SLC24A2: variants seen among roughly 807,000 people sequenced by gnomAD.
SLC24A2 encodes the protein sodium/potassium/calcium exchanger 2.
A neutral mutation model predicts 62.0 loss-of-function variants in SLC24A2; 36 were observed. That is an observed-to-expected ratio of 0.58 (90% CI 0.44 to 0.77). SLC24A2 has a LOEUF of 0.77. SLC24A2 is among the 30% of genes least tolerant of loss of function. The pLI is 0.00. For synonymous variants in SLC24A2, 358 were observed against 294.0 expected, an observed-to-expected ratio of 1.22 and a Z score of -2.23; for missense variants, 846 against 817.9, an observed-to-expected ratio of 1.03 and a Z score of -0.42.
At chr9:20,302,793 T>C in the SLC24A2 span, among the ~76,000 whole-genome samples, 3 of 152,210 alleles carry the variant, frequency 2.0e-5, no homozygotes, top group Admixed American at 2.0e-4. Flanking sequence ...TTGTCATTTA[T>C]TTTTAATTGC....
the SLC24A2 span, among the ~76,000 whole-genome samples, chr9:20,288,083 T>A: frequency 6.6e-6 from 1 of 152,040 alleles, no homozygotes; most frequent in Non-Finnish European, 1.5e-5. Flanking sequence ...ATACGATGCA[T>A]CTAAATTTCA....
chr9:19,881,984 A>G, the SLC24A2 span, among the ~76,000 whole-genome samples: 1 of 152,174 alleles, frequency 6.6e-6, no homozygotes, highest in African/African-American at 2.4e-5. Context: ...AATTCAACCT[A>G]TGCCTATTCC....
At chr9:20,049,774 A>T in the SLC24A2 span, among the ~76,000 whole-genome samples, 37 of 150,842 alleles carry the variant, frequency 2.5e-4, no homozygotes, top group African/African-American at 8.3e-4. Context: ...TCACCCATAA[A>T]CTACAGGGAT....
the SLC24A2 span, among the ~76,000 whole-genome samples, chr9:20,076,839 G>GAT: frequency 0.17 from 24,222 of 142,360 alleles, 3,363 homozygotes; most frequent in East Asian, 0.64. Context: ...AAGAAAATGT[G>GAT]ATATATATAT....
chr9:19,876,167 T>C, the SLC24A2 span, among the ~76,000 whole-genome samples: 1 of 152,176 alleles, frequency 6.6e-6, no homozygotes, highest in African/African-American at 2.4e-5. Flanking sequence ...AGACAACACC[T>C]AAACATAGAA....
chr9:19,852,802 C>A, the SLC24A2 span, among the ~76,000 whole-genome samples: 8 of 149,588 alleles, frequency 5.3e-5, no homozygotes, highest in African/African-American at 2.0e-4. Context: ...GCTATATGAG[C>A]TCTTTTTTGG....
At chr9:19,582,389 T>G (rs1836235000) in intron 5 of SLC24A2, among the ~76,000 whole-genome samples, 1 of 152,116 alleles carries the variant, frequency 6.6e-6, no homozygotes, top group Non-Finnish European at 1.5e-5. Flanking sequence ...GGGGTGGTGA[T>G]CAGATTAACT....
the SLC24A2 span, among the ~76,000 whole-genome samples, chr9:19,845,506 G>C: frequency 6.6e-6 from 1 of 151,764 alleles, no homozygotes; most frequent in Non-Finnish European, 1.5e-5. Context: ...ATCCCTTTTT[G>C]CAGTCTATTG....
chr9:20,172,743 A>C, the SLC24A2 span, among the ~76,000 whole-genome samples: 29 of 152,138 alleles, frequency 1.9e-4, no homozygotes, highest in South Asian at 8.3e-4. Context: ...GACCAGATGG[A>C]CTCACAGATG....
the SLC24A2 span, among the ~76,000 whole-genome samples, chr9:20,151,726 A>G: frequency 6.6e-6 from 1 of 151,854 alleles, no homozygotes; most frequent in Non-Finnish European, 1.5e-5. Flanking sequence ...CTTACCCACT[A>G]TAGATAACTA....
intron 2 of SLC24A2, among the ~76,000 whole-genome samples, chr9:19,648,623 G>A (rs1461040447): frequency 1.3e-5 from 2 of 152,132 alleles, no homozygotes; most frequent in African/African-American, 4.8e-5. Flanking sequence ...TTTTAAATGG[G>A]AATTAGTTGG....
Position 19,516,899 on chromosome 9 carries a change from G to A in SLC24A2, c.1737-497C>T, listed in dbSNP as rs148716848. On this transcript the variant is annotated intron_variant, in intron 10 of 10. Transcript: ENST00000341998. Reference sequence around the variant, plus strand: ...CTAAAGGCAAGTGAAATTAAATGATGGTGGTTGGGGGCCACGATACAATAT... The same window carrying A: ...CTAAAGGCAAGTGAAATTAAATGATAGTGGTTGGGGGCCACGATACAATAT... Among the ~76,000 whole-genome samples the A allele has an allele frequency of 1.3e-3, 201 of 152,250 alleles. 1 individual carries two copies. The highest frequency in any genetic ancestry group is 4.5e-3 in the African/African-American group (188 of 41,558).
At chr9:20,277,389 G>C in the SLC24A2 span, among the ~76,000 whole-genome samples, 1 of 151,534 alleles carries the variant, frequency 6.6e-6, no homozygotes, top group Non-Finnish European at 1.5e-5. Context: ...AAATTTACAA[G>C]AAGAAAATCA....
rs190349291 is a variant in SLC24A2 at position 19,516,237 on chromosome 9, G to A, written c.1902C>T (p.Phe634=). 9.3e-6 allele frequency: 15 copies of A among 1,614,196 alleles called. No homozygotes were observed. Among genetic ancestry groups the A allele is most frequent in the Middle Eastern group, 1.6e-4 (1 of 6,062 alleles). The part of the protein sequence containing the change: ...CKWRMNKILG[F]IMFGLYFVFL... ...ACACAAAGTAGAGGCCAAACATGAT[G>A]AAGCCCAGGATTTTGTTCATTCGCC... Residue 634 remains phenylalanine, a synonymous_variant, in exon 11 of 11, where the codon TTC becomes TTT. Coordinates refer to ENST00000341998, the MANE Select transcript of SLC24A2 (RefSeq NM_020344.4).
the SLC24A2 span, among the ~76,000 whole-genome samples, chr9:20,234,601 C>T: frequency 1.3e-5 from 2 of 152,220 alleles, no homozygotes; most frequent in African/African-American, 4.8e-5. Flanking sequence ...GACTTCTCTG[C>T]ATTGGTTATT....
chr9:20,137,742 C>T, the SLC24A2 span, among the ~76,000 whole-genome samples: 2 of 152,096 alleles, frequency 1.3e-5, no homozygotes, highest in Non-Finnish European at 2.9e-5. Context: ...CAAACAGTAA[C>T]AATATTTTTA....
chr9:19,528,598 C>A (rs1833543077), intron 8 of SLC24A2, among the ~76,000 whole-genome samples: 1 of 152,106 alleles, frequency 6.6e-6, no homozygotes, highest in Non-Finnish European at 1.5e-5. Context: ...GGGATTAATT[C>A]CATTGAATAA....
chr9:20,230,582 T>C, the SLC24A2 span, among the ~76,000 whole-genome samples: 438 of 149,238 alleles, frequency 2.9e-3, 3 homozygotes, highest in Non-Finnish European at 3.5e-3. Flanking sequence ...ATGGGGTTGT[T>C]TGTTTTTTTC....
chr9:19,863,743 A>C, the SLC24A2 span, among the ~76,000 whole-genome samples: 1 of 151,932 alleles, frequency 6.6e-6, no homozygotes, highest in Non-Finnish European at 1.5e-5. Context: ...AAGTGCCCAC[A>C]TCAAAAAAGA....
Sources: gnomAD v4.1 joint callset for allele counts (sites outside exome capture counted in the v4.1 genomes callset) on GRCh38, gnomAD v4.1.1 for gene constraint, MANE v1.5 for transcripts, NCBI Gene and HGNC (gene_info 2026-07-23, HGNC 2026-07-21) for gene names.